The following GAN variants were observed in gnomAD, a reference collection of about 807,000 sequenced individuals.
GAN encodes the protein epididymis secretory sperm binding protein.
Under a neutral mutation model 71.3 loss-of-function variants are expected in GAN, and 48 were observed. The ratio of observed to expected loss-of-function variants is 0.67; its 90% confidence interval spans 0.53 to 0.86. The LOEUF (loss-of-function observed/expected upper bound fraction) is 0.86, where lower values mean the gene tolerates loss of function less well. Among genes scored for constraint, GAN ranks in the 40% least tolerant of loss-of-function variants. GAN has a pLI of 0.00. For synonymous variants in GAN, 386 were observed against 276.8 expected (o/e 1.39, Z -3.92); for missense variants, 928 against 770.1 (o/e 1.21, Z -2.43).
chr16:81,333,235 C>G (rs1909646567), intron 1 of GAN, among the ~76,000 whole-genome samples: 1 of 129,538 alleles, frequency 7.7e-6, no homozygotes, highest in Admixed American at 7.8e-5. Flanking sequence ...GAGCGAGACT[C>G]CATCTCAAAA....
chr16:81,376,627 C>A (rs1426938682), intron 9 of GAN, among the ~76,000 whole-genome samples: 1 of 145,118 alleles, frequency 6.9e-6, no homozygotes, highest in East Asian at 2.3e-4. Flanking sequence ...TGTATATATA[C>A]ATACATATAT....
intron 2 of GAN, among the ~76,000 whole-genome samples, chr16:81,352,640 C>G (rs1910337451): frequency 6.6e-6 from 1 of 152,100 alleles, no homozygotes; most frequent in South Asian, 2.1e-4. Context: ...CTTTCTTTAT[C>G]TAAATATATT....
chr16:81,370,941 CT>C (rs1257718932), intron 9 of GAN, among the ~76,000 whole-genome samples: 1 of 152,194 alleles, frequency 6.6e-6, no homozygotes, highest in Non-Finnish European at 1.5e-5. Flanking sequence ...AAGCCTTCAA[CT>C]TTCCACAGAG....
intron 5 of GAN, among the ~76,000 whole-genome samples, chr16:81,361,668 G>A (rs775004891): frequency 6.6e-6 from 1 of 152,110 alleles, no homozygotes; most frequent in Non-Finnish European, 1.5e-5. Flanking sequence ...TTGTTATCTT[G>A]TTGGCTTCTC....
intron 1 of GAN, among the ~76,000 whole-genome samples, chr16:81,341,701 G>T (rs953831349): frequency 6.6e-6 from 1 of 152,140 alleles, no homozygotes; most frequent in African/African-American, 2.4e-5. Context: ...AAAGACCATC[G>T]ATGCTGTGAA....
intron 9 of GAN, among the ~76,000 whole-genome samples, chr16:81,375,609 A>G (rs1904277658): frequency 3.3e-5 from 5 of 152,012 alleles, no homozygotes; most frequent in Admixed American, 2.6e-4. Context: ...TGCAGACTTG[A>G]GCCACCACAC....
At chr16:81,361,596 G>A (rs771260989) in intron 5 of GAN, among the ~76,000 whole-genome samples, 33 of 152,180 alleles carry the variant, frequency 2.2e-4, no homozygotes, top group Non-Finnish European at 2.1e-4. Context: ...AATGCCCTCA[G>A]TGTAAAATGG....
chr16:81,337,873 G>T (rs944030792), intron 1 of GAN, among the ~76,000 whole-genome samples: 1 of 152,172 alleles, frequency 6.6e-6, no homozygotes, highest in Non-Finnish European at 1.5e-5. Context: ...ACCACATGAT[G>T]TGCAAGAAGT....
intron 1 of GAN, 105 bp from the exon 2 acceptor site, chr16:81,351,478 C>T (rs1214539169): frequency 1.4e-5 from 10 of 694,650 alleles, no homozygotes; most frequent in Non-Finnish European, 2.4e-5. Context: ...GGTGGGGATT[C>T]ATATACTGAT....
intron 4 of GAN, among the ~76,000 whole-genome samples, chr16:81,357,412 C>T (rs1597403139): frequency 6.6e-6 from 1 of 152,126 alleles, no homozygotes; most frequent in East Asian, 1.9e-4. Flanking sequence ...CAATTTCATC[C>T]ATGTCCCTAC....
Position 81,381,495 on chromosome 16 carries a change from C to G in GAN, c.*3899C>G, listed in dbSNP as rs1026478743. 11 of 152,228 alleles carry G rather than the reference C, an allele frequency of 7.2e-5. No individual in the cohort carries two copies. The highest frequency in any genetic ancestry group is 2.4e-4 in the African/African-American group (10 of 41,444). 9.4% of individuals were successfully genotyped at this position (152,228 alleles called of 1,614,324 possible). On this transcript the variant is annotated 3_prime_UTR_variant, in exon 11 of 11. Transcript: ENST00000648994. The stretch of plus-strand genomic sequence containing the variant: ...TTTTCCACTGGCTGCTCACTGAGCA[C>G]TGGAGTCCAGGAAGTCAGTGAGAAG...
intron 1 of GAN, among the ~76,000 whole-genome samples, chr16:81,336,305 G>A (rs1909759776): frequency 3.9e-5 from 6 of 152,194 alleles, no homozygotes; most frequent in Admixed American, 3.9e-4. Flanking sequence ...TGGATGGCAG[G>A]AACTGTGAGA....
rs779751120 is a variant in GAN at position 81,315,107 on chromosome 16, C to T, written c.-7C>T. On this transcript the variant is annotated 5_prime_UTR_variant, in exon 1 of 11. Transcript: ENST00000648994. Reference sequence around the variant, plus strand: ...CCGGACCCGTCGGCAGAGGAGCGGGCGCCGCGATGGCTGAGGGCAGTGCCG... The same window carrying T: ...CCGGACCCGTCGGCAGAGGAGCGGGTGCCGCGATGGCTGAGGGCAGTGCCG... 15 of 1,487,132 alleles carry T rather than the reference C, an allele frequency of 1.0e-5. No homozygotes were observed. Among genetic ancestry groups the T allele is most frequent in the Admixed American group, 2.2e-5 (1 of 44,958 alleles). 92.1% of individuals were successfully genotyped at this position (1,487,132 alleles called of 1,614,324 possible). A position where few individuals can be genotyped will look rare whatever the true frequency, so the allele number is the denominator to read the frequency against.
chr16:81,361,291 G>A (rs1289487536), intron 5 of GAN, among the ~76,000 whole-genome samples: 2 of 152,176 alleles, frequency 1.3e-5, no homozygotes, highest in Non-Finnish European at 2.9e-5. Context: ...GTCCTGGGAT[G>A]TTAGAATCTA....
intron 8 of GAN, 25 bp downstream of exon 8, chr16:81,365,135 G>A: frequency 6.2e-7 from 1 of 1,611,536 alleles, no homozygotes; most frequent in Non-Finnish European, 8.5e-7. Context: ...GGTGGACTTT[G>A]TAGATTCCCT....
chr16:81,333,302 A>G (rs950961791), intron 1 of GAN, among the ~76,000 whole-genome samples: 5 of 151,944 alleles, frequency 3.3e-5, no homozygotes, highest in African/African-American at 9.7e-5. Flanking sequence ...TTTATAATTA[A>G]TAAGTTGTGG....
chr16:81,335,064 C>T (rs1055227101), intron 1 of GAN, among the ~76,000 whole-genome samples: 3 of 143,078 alleles, frequency 2.1e-5, no homozygotes, highest in Non-Finnish European at 4.5e-5. Flanking sequence ...TTGTTTTAGA[C>T]ATGGTGGGTA....
chr16:81,354,779 C>A, intron 3 of GAN, 24 bp downstream of exon 3: 1 of 1,358,008 alleles, frequency 7.4e-7, no homozygotes, highest in South Asian at 1.2e-5. Flanking sequence ...ATAACATGGT[C>A]AAATTTGCCT....
intron 1 of GAN, among the ~76,000 whole-genome samples, chr16:81,350,802 A>T (rs1280573446): frequency 6.6e-6 from 1 of 152,208 alleles, no homozygotes; most frequent in Non-Finnish European, 1.5e-5. Context: ...TACAGGCGTG[A>T]GCCACTGCAC....
Sources: gnomAD v4.1 joint callset for allele counts (sites outside exome capture counted in the v4.1 genomes callset) on GRCh38, gnomAD v4.1.1 for gene constraint, MANE v1.5 for transcripts, NCBI Gene and HGNC (gene_info 2026-07-23, HGNC 2026-07-21) for gene names.